Variants in CTPS1 observed in about 807,000 individuals in gnomAD.
The protein encoded by CTPS1 is CTP synthetase 1.
Under a neutral mutation model 80.5 loss-of-function variants are expected in CTPS1, and 25 were observed. The ratio of observed to expected loss-of-function variants is 0.31; its 90% CI spans 0.23 to 0.43. CTPS1 has a LOEUF of 0.43. Ranked by LOEUF, CTPS1 falls within the 20% of genes least tolerant of loss-of-function variation. CTPS1 has a pLI of 1.00. For missense variants in CTPS1, 442 were observed against 725.7 expected, an observed-to-expected ratio of 0.61 and a Z score of 4.49; for synonymous variants, 267 against 252.5, an observed-to-expected ratio of 1.06 and a Z score of -0.54.
chr1:41,004,143 C>G (rs1158203579), intron 12 of CTPS1: 2 of 152,272 alleles, frequency 1.3e-5, no homozygotes, highest in African/African-American at 2.4e-5. Flanking sequence ...TGGGGCCACC[C>G]TGGAATGGTC....
Position 41,009,598 on chromosome 1 carries a change from A to T in CTPS1, c.1691+9A>T, listed in dbSNP as rs1302898105. On this transcript the variant is annotated intron_variant, in intron 17 of 18. Transcript: ENST00000650070. Reference sequence around the variant, plus strand: ...TGCAGGCTCTCACCCAGGTAGGCGCACTCTTTGCTTCAGTAATCCATTAGT... The same window carrying T: ...TGCAGGCTCTCACCCAGGTAGGCGCTCTCTTTGCTTCAGTAATCCATTAGT... 6.2e-7 allele frequency: 1 copy of T among 1,612,926 alleles called. No homozygotes were observed.
intron 10 of CTPS1, 54 bp downstream of exon 10, chr1:41,001,171 G>T: frequency 1.5e-6 from 2 of 1,334,824 alleles, no homozygotes; most frequent in South Asian, 2.7e-5. Flanking sequence ...TTGTTTTAAT[G>T]AAAAAGTCCT....
intron 5 of CTPS1, 135 bp from the exon 6 acceptor site, chr1:40,991,030 C>A: frequency 1.5e-6 from 1 of 679,708 alleles, no homozygotes; most frequent in Non-Finnish European, 2.5e-6. Flanking sequence ...GTAACTTTGA[C>A]AAACATAAAA....
intron 11 of CTPS1, among the ~76,000 whole-genome samples, chr1:41,002,463 G>A (rs12145744): frequency 0.058 from 8,890 of 152,184 alleles, 343 homozygotes; most frequent in South Asian, 0.11. Flanking sequence ...TGTAGATGTC[G>A]TGGAATTTTG....
Position 41,009,508 on chromosome 1 carries a change from C to G in CTPS1, c.1610C>G (p.Ser537Cys). The G allele has an allele frequency of 1.2e-6, 2 of 1,613,856 alleles. No homozygotes were observed. The highest frequency in any genetic ancestry group is 1.7e-6 in the Non-Finnish European group (2 of 1,179,930). The part of the protein sequence containing the change: ...PEFLSRPIKP[S>C]PPYFGLLLAS... ...TTCCTGTCCAGGCCTATCAAGCCCTCCCCACCATACTTTGGCCTCCTCCTG... is the reference window on the plus strand; with the variant it reads ...TTCCTGTCCAGGCCTATCAAGCCCTGCCCACCATACTTTGGCCTCCTCCTG... The change falls in exon 17 of 19, where the codon TCC (serine) becomes TGC (cysteine). Residue 537 changes from serine (S) to cysteine (C), a missense_variant. By Grantham distance (112) the Ser-to-Cys change is moderately radical (BLOSUM62 -1). Around this residue, in one of 4 missense-constraint regions of CTPS1, gnomAD observed 321 missense variants for 467.2 expected, o/e 0.69. Coordinates refer to ENST00000650070, the MANE Select transcript of CTPS1 (RefSeq NM_001905.4).
chr1:40,990,457 G>A (rs1570950412), intron 5 of CTPS1, among the ~76,000 whole-genome samples: 1 of 152,202 alleles, frequency 6.6e-6, no homozygotes, highest in East Asian at 1.9e-4. Context: ...CAACAATACT[G>A]GAAGCTAAAA....
intron 4 of CTPS1, among the ~76,000 whole-genome samples, chr1:40,988,010 T>G (rs770978579): frequency 4.6e-5 from 7 of 152,154 alleles, no homozygotes; most frequent in Non-Finnish European, 8.8e-5. Flanking sequence ...CCTCCTGGGC[T>G]CAAGCAGTTC....
intron 2 of CTPS1, among the ~76,000 whole-genome samples, chr1:40,984,383 A>G (rs1376480327): frequency 1.3e-5 from 2 of 152,244 alleles, no homozygotes; most frequent in African/African-American, 4.8e-5. Context: ...TCGGAAGCTG[A>G]TTTTTATAAT....
Position 40,979,762 on chromosome 1 carries a change from G to A in CTPS1, c.-81G>A, listed in dbSNP as rs1450585538. ...ATGCGGTCGGGGTTGTTCACTGGCTGTCCGGGGCTCCGCGCGCGTCGCCGG... is the reference window on the plus strand; with the variant it reads ...ATGCGGTCGGGGTTGTTCACTGGCTATCCGGGGCTCCGCGCGCGTCGCCGG... On this transcript the variant is annotated 5_prime_UTR_variant, in exon 1 of 19. Coordinates refer to ENST00000650070, the MANE Select transcript of CTPS1 (RefSeq NM_001905.4). 6.6e-6 allele frequency: 1 copy of A among 152,272 alleles called. No individual in the cohort carries two copies. Among genetic ancestry groups the A allele is most frequent in the East Asian group, 1.9e-4 (1 of 5,180 alleles). 9.4% of individuals were successfully genotyped at this position (152,272 alleles called of 1,614,324 possible).
intron 3 of CTPS1, among the ~76,000 whole-genome samples, chr1:40,986,206 G>A (rs920938134): frequency 1.3e-5 from 2 of 152,258 alleles, no homozygotes; most frequent in African/African-American, 4.8e-5. Context: ...AGGACAGAGT[G>A]ACTGGGGAAA....
At chr1:40,997,926 G>A (rs1642796812) in intron 9 of CTPS1, among the ~76,000 whole-genome samples, 1 of 152,186 alleles carries the variant, frequency 6.6e-6, no homozygotes, top group South Asian at 2.1e-4. Flanking sequence ...TTGCAGAGTG[G>A]GAATGACAGT....
intron 5 of CTPS1, among the ~76,000 whole-genome samples, chr1:40,990,641 C>T (rs1333497717): frequency 6.6e-6 from 1 of 151,486 alleles, no homozygotes; most frequent in Non-Finnish European, 1.5e-5. Context: ...AAGAAAAAGT[C>T]CAACAGAAAA....
In CTPS1 at chr1:40,985,041, T is replaced by A; in HGVS notation, c.337+50T>A. 3.0e-6 allele frequency: 4 copies of A among 1,347,114 alleles called. No homozygotes were observed. The African/African-American group carries it at 5.8e-5, about 20-fold the overall frequency. 83.4% of individuals were successfully genotyped at this position (1,347,114 alleles called of 1,614,324 possible). A position where few individuals can be genotyped will look rare whatever the true frequency, so the allele number is the denominator to read the frequency against. ...CTTAAAAGTCTTAACCAGTTTAATTTCTTCTCCCTCCCACCTCTACACAGA... is the reference window on the plus strand; with the variant it reads ...CTTAAAAGTCTTAACCAGTTTAATTACTTCTCCCTCCCACCTCTACACAGA... On this transcript the variant is annotated intron_variant, in intron 3 of 18. Transcript: ENST00000650070.
In CTPS1 at chr1:40,984,926, G is replaced by C; in HGVS notation, c.272G>C (p.Gly91Ala). 2.5e-6 allele frequency: 4 copies of C among 1,607,264 alleles called. No homozygotes were observed. The highest frequency in any genetic ancestry group is 3.4e-6 in the Non-Finnish European group (4 of 1,175,428). The change falls in exon 3 of 19, where the codon GGA (glycine) becomes GCA (alanine). Residue 91 changes from glycine to alanine, a missense_variant. Physicochemically the swap from Gly to Ala is moderately conservative, Grantham distance 60. Transcript: ENST00000650070. Reference sequence around the variant, plus strand: ...ACCAAGGACAATAATCTGACCACTGGAAAGATATACCAGTATGTCATTAAC... The same window carrying C: ...ACCAAGGACAATAATCTGACCACTGCAAAGATATACCAGTATGTCATTAAC... ...RLTKDNNLTT[G>A]KIYQYVINKE...
chr1:40,993,977 C>T (rs1281642433), intron 7 of CTPS1, among the ~76,000 whole-genome samples: 1 of 151,838 alleles, frequency 6.6e-6, no homozygotes, highest in Non-Finnish European at 1.5e-5. Context: ...CGGGGTTTTG[C>T]CAAGTTGGCC....
intron 14 of CTPS1, 45 bp from the exon 15 acceptor site, chr1:41,008,614 C>T: frequency 6.3e-7 from 1 of 1,593,910 alleles, no homozygotes; most frequent in Non-Finnish European, 8.6e-7. Context: ...AACGCATCAT[C>T]CTGTGAGATA....
chr1:40,997,633 T>A (rs1642789958), intron 9 of CTPS1, 107 bp downstream of exon 9: 2 of 1,326,804 alleles, frequency 1.5e-6, no homozygotes, highest in African/African-American at 1.5e-5. Flanking sequence ...AGAATTACTT[T>A]TTAAGGAATT....
chr1:40,993,774 C>CTTTTTTTTTTTT (rs71278720), intron 7 of CTPS1, among the ~76,000 whole-genome samples: 7 of 85,772 alleles, frequency 8.2e-5, no homozygotes, highest in African/African-American at 1.2e-4. Flanking sequence ...TTTCTTCTCT[C>CTTTTTTTTTTTT]TTTTTTTTTT....
At chr1:41,011,122 C>T (rs2148422974) in intron 18 of CTPS1, among the ~76,000 whole-genome samples, 1 of 152,322 alleles carries the variant, frequency 6.6e-6, no homozygotes, top group East Asian at 1.9e-4. Context: ...CTGCTGATCC[C>T]AGCTGTTTCC....
Sources: gnomAD v4.1 joint callset for allele counts (sites outside exome capture counted in the v4.1 genomes callset) on GRCh38, gnomAD v4.1.1 for gene constraint, gnomAD v4.1.1 regional missense constraint, MANE v1.5 for transcripts, NCBI Gene and HGNC (gene_info 2026-07-23, HGNC 2026-07-21) for gene names.